UBE2R2: variants seen among roughly 807,000 people sequenced by gnomAD.
UBE2R2 encodes the protein ubiquitin-conjugating enzyme E2 R2.
UBE2R2 carries 1 observed loss-of-function variant against 27.8 expected under a neutral mutation model. That is an observed-to-expected ratio of 0.04 (90% confidence interval 0.01 to 0.17). The LOEUF is 0.17. Among genes scored for constraint, UBE2R2 ranks in the 10% least tolerant of loss-of-function variants. The probability of loss-of-function intolerance (pLI) is 1.00; values close to 1 mark genes in which losing one functional copy is unlikely to be tolerated. For missense variants in UBE2R2, 100 were observed against 291.0 expected (o/e 0.34, Z 4.78); for synonymous variants, 106 against 113.3 (o/e 0.94, Z 0.41).
intron 3 of UBE2R2, among the ~76,000 whole-genome samples, chr9:33,902,067 C>T (rs571470414): frequency 5.9e-5 from 9 of 152,066 alleles, no homozygotes; most frequent in Admixed American, 2.0e-4. Flanking sequence ...GCATGCATCA[C>T]GGTGTCTGCT....
chr9:33,898,299 C>T (rs1166904152), intron 2 of UBE2R2, among the ~76,000 whole-genome samples: 1 of 151,998 alleles, frequency 6.6e-6, no homozygotes, highest in Non-Finnish European at 1.5e-5. Context: ...CCAGGCTGGT[C>T]TTAAACTCTT....
intron 1 of UBE2R2, among the ~76,000 whole-genome samples, chr9:33,838,551 G>A (rs1483072727): frequency 6.6e-6 from 1 of 151,986 alleles, no homozygotes; most frequent in Non-Finnish European, 1.5e-5. Flanking sequence ...AATAAAATGT[G>A]TATATCTTGG....
At chr9:33,831,508 C>G (rs1235868472) in intron 1 of UBE2R2, among the ~76,000 whole-genome samples, 2 of 152,116 alleles carry the variant, frequency 1.3e-5, no homozygotes, top group African/African-American at 4.8e-5. Flanking sequence ...CCTCCACCTC[C>G]CAAGTTCAAG....
At chr9:33,828,650 C>T (rs539463590) in intron 1 of UBE2R2, among the ~76,000 whole-genome samples, 19 of 152,148 alleles carry the variant, frequency 1.2e-4, no homozygotes, top group Non-Finnish European at 2.5e-4. Flanking sequence ...CAATCTCCGC[C>T]TCCCTGGTTT....
At position 33,865,710 on chromosome 9, in the gene UBE2R2, C is replaced by T. The variant is rs139463942; in HGVS notation, c.178-21171C>T. ...AATATAACTATGTAAATAATAGTTC[C>T]GGTTGAACCATGTCATACACCATTA... On this transcript the variant is annotated intron_variant, in intron 1 of 4. Coordinates refer to ENST00000263228, the MANE Select transcript of UBE2R2 (RefSeq NM_017811.4). Among the ~76,000 whole-genome samples the T allele has an allele frequency of 6.1e-3, 935 of 152,116 alleles. 7 individuals are homozygous for T. The highest frequency in any genetic ancestry group is 0.021 in the African/African-American group (873 of 41,502).
At chr9:33,915,641 T>G (rs1367033848) in intron 4 of UBE2R2, among the ~76,000 whole-genome samples, 1 of 152,162 alleles carries the variant, frequency 6.6e-6, no homozygotes. Context: ...AGGAAACAAT[T>G]TATTGTTTGT....
intron 1 of UBE2R2, among the ~76,000 whole-genome samples, chr9:33,884,660 T>G (rs973671654): frequency 6.6e-6 from 1 of 152,206 alleles, no homozygotes; most frequent in Non-Finnish European, 1.5e-5. Context: ...TTTAAGTTCT[T>G]TAGCCATGAT....
intron 1 of UBE2R2, among the ~76,000 whole-genome samples, chr9:33,838,139 C>T (rs1820653760): frequency 6.6e-6 from 1 of 151,536 alleles, no homozygotes; most frequent in Non-Finnish European, 1.5e-5. Context: ...TGCACATTCT[C>T]CCATATGCTT....
chr9:33,883,551 TA>T (rs1283881943), intron 1 of UBE2R2, among the ~76,000 whole-genome samples: 2 of 151,430 alleles, frequency 1.3e-5, no homozygotes, highest in Admixed American at 1.3e-4. Context: ...CCATCTCTAC[TA>T]AAAAATACAA....
intron 1 of UBE2R2, among the ~76,000 whole-genome samples, chr9:33,849,887 G>A (rs1437195337): frequency 6.6e-6 from 1 of 152,056 alleles, no homozygotes; most frequent in Non-Finnish European, 1.5e-5. Flanking sequence ...AACCCAATGA[G>A]ACAAGTACCA....
intron 1 of UBE2R2, among the ~76,000 whole-genome samples, chr9:33,873,410 CAG>C (rs1821531172): frequency 6.6e-6 from 1 of 151,906 alleles, no homozygotes; most frequent in South Asian, 2.1e-4. Context: ...TACAGTTTAA[CAG>C]ATAGCATGAT....
chr9:33,905,230 A>C (rs914267227), intron 3 of UBE2R2, among the ~76,000 whole-genome samples: 1 of 152,140 alleles, frequency 6.6e-6, no homozygotes. Context: ...CCCAATCAAG[A>C]GAGGCTGTTG....
At chr9:33,869,027 G>A (rs1821423673) in intron 1 of UBE2R2, among the ~76,000 whole-genome samples, 2 of 152,142 alleles carry the variant, frequency 1.3e-5, no homozygotes, top group Non-Finnish European at 2.9e-5. Flanking sequence ...CAGCACTTTG[G>A]GAGACTGGGG....
chr9:33,860,407 T>C (rs1305429351), intron 1 of UBE2R2, among the ~76,000 whole-genome samples: 1 of 152,218 alleles, frequency 6.6e-6, no homozygotes, highest in Non-Finnish European at 1.5e-5. Context: ...TACTACGCCC[T>C]ACCACTCTTT....
intron 1 of UBE2R2, among the ~76,000 whole-genome samples, chr9:33,882,041 A>G (rs532618913): frequency 6.6e-6 from 1 of 152,036 alleles, no homozygotes; most frequent in South Asian, 2.1e-4. Context: ...TATTTATTTC[A>G]TATTTTGGGT....
In UBE2R2 at chr9:33,817,524, CGCCCGGCCCGAGTGTGAGGAGAAGG is replaced by C. The variant is rs1197188408; in HGVS notation, c.-223_-199del. On this transcript the variant is annotated 5_prime_UTR_variant, in exon 1 of 5. Transcript: ENST00000263228. ...TCCTAACTCCCTCGACCTCTCCTCTCGCCCGGCCCGAGTGTGAGGAGAAGGGCCCGGCCCGGCCTGCGTCGTGTGT... is the reference window on the plus strand; with the variant it reads ...TCCTAACTCCCTCGACCTCTCCTCTCGCCCGGCCCGGCCTGCGTCGTGTGT... 15 of 241,788 alleles carry C rather than the reference CGCCCGGCCCGAGTGTGAGGAGAAGG, an allele frequency of 6.2e-5. No individual in the cohort carries two copies. The highest frequency in any genetic ancestry group is 1.4e-4 in the East Asian group (1 of 7,350). 15.0% of individuals were successfully genotyped at this position (241,788 alleles called of 1,614,324 possible).
intron 1 of UBE2R2, among the ~76,000 whole-genome samples, chr9:33,844,321 C>T: frequency 6.6e-6 from 1 of 152,090 alleles, no homozygotes; most frequent in East Asian, 1.9e-4. Flanking sequence ...TCTTCTGCCT[C>T]AGCCTCCCCA....
At chr9:33,843,607 T>G (rs1420718759) in intron 1 of UBE2R2, among the ~76,000 whole-genome samples, 1 of 151,938 alleles carries the variant, frequency 6.6e-6, no homozygotes, top group East Asian at 1.9e-4. Flanking sequence ...GCCCCCCTAG[T>G]AGCTGGGATT....
chr9:33,853,409 C>G (rs1821016270), intron 1 of UBE2R2, among the ~76,000 whole-genome samples: 1 of 151,226 alleles, frequency 6.6e-6, no homozygotes, highest in Admixed American at 6.6e-5. Flanking sequence ...GCCTCAGCCT[C>G]CTGAATAGCT....
Sources: gnomAD v4.1 joint callset for allele counts (sites outside exome capture counted in the v4.1 genomes callset) on GRCh38, gnomAD v4.1.1 for gene constraint, MANE v1.5 for transcripts, NCBI Gene and HGNC (gene_info 2026-07-23, HGNC 2026-07-21) for gene names.